The following RIMS1 variants were observed in gnomAD, a reference collection of about 807,000 sequenced individuals.
RIMS1 encodes the protein regulating synaptic membrane exocytosis protein 1.
A neutral mutation model predicts 214.1 loss-of-function variants in RIMS1; 83 were observed. The ratio of observed to expected loss-of-function variants is 0.39; its 90% confidence interval spans 0.32 to 0.47. RIMS1 has a LOEUF of 0.47. Ranked by LOEUF, RIMS1 falls within the 20% of genes least tolerant of loss-of-function variation. The probability of loss-of-function intolerance (pLI) is 0.99; values close to 1 mark genes in which losing one functional copy is unlikely to be tolerated. For missense variants in RIMS1, 2,050 were observed against 2,161.8 expected (o/e 0.95, Z 1.03); for synonymous variants, 793 against 786.8 (o/e 1.01, Z -0.13).
At chr6:71,977,003 G>C (rs540189909) in intron 2 of RIMS1, among the ~76,000 whole-genome samples, 94 of 152,204 alleles carry the variant, frequency 6.2e-4, no homozygotes, top group South Asian at 4.8e-3. Flanking sequence ...CTGCATACTA[G>C]ACATGATCTT....
intron 1 of RIMS1, among the ~76,000 whole-genome samples, chr6:71,901,468 G>T (rs748055338): frequency 4.6e-4 from 70 of 151,994 alleles, no homozygotes; most frequent in Non-Finnish European, 5.6e-4. Context: ...AAACAACATG[G>T]ATGAATCTCA....
At chr6:72,075,532 CTGGTTG>C (rs1831602449) in intron 2 of RIMS1, among the ~76,000 whole-genome samples, 1 of 152,134 alleles carries the variant, frequency 6.6e-6, no homozygotes, top group African/African-American at 2.4e-5. Context: ...ATGTCATATT[CTGGTTG>C]TGGTAAACTT....
At chr6:72,066,895 C>T (rs1233124560) in intron 2 of RIMS1, among the ~76,000 whole-genome samples, 1 of 151,992 alleles carries the variant, frequency 6.6e-6, no homozygotes, top group East Asian at 1.9e-4. Flanking sequence ...ACCCTTAAAA[C>T]TTCTCTTTCA....
chr6:72,240,846 T>A (rs2066562630), intron 9 of RIMS1, among the ~76,000 whole-genome samples: 1 of 151,864 alleles, frequency 6.6e-6, no homozygotes, highest in Non-Finnish European at 1.5e-5. Context: ...TGAAACCCCG[T>A]CTCTACTAAA....
intron 29 of RIMS1, among the ~76,000 whole-genome samples, chr6:72,340,811 T>C (rs2097053342): frequency 6.6e-6 from 1 of 152,114 alleles, no homozygotes; most frequent in Non-Finnish European, 1.5e-5. Flanking sequence ...TTTTTCCAAT[T>C]CTGTGAAGAA....
chr6:71,908,343 C>T (rs373825262), intron 1 of RIMS1, among the ~76,000 whole-genome samples: 236 of 152,274 alleles, frequency 1.5e-3, no homozygotes, highest in African/African-American at 5.0e-3. Flanking sequence ...CCAGTCATTT[C>T]CGGAGAGGAG....
chr6:72,167,127 AT>A (rs545085624), intron 4 of RIMS1, among the ~76,000 whole-genome samples: 1 of 151,554 alleles, frequency 6.6e-6, no homozygotes, highest in Admixed American at 6.6e-5. Context: ...TTTGTTGAGC[AT>A]TTTTTCTCAT....
At chr6:71,917,835 G>T (rs544337313) in intron 1 of RIMS1, among the ~76,000 whole-genome samples, 1 of 152,268 alleles carries the variant, frequency 6.6e-6, no homozygotes, top group African/African-American at 2.4e-5. Flanking sequence ...GAAGCGAAAA[G>T]ATTTTCTTAT....
chr6:72,114,157 A>C (rs1026405717), intron 4 of RIMS1, among the ~76,000 whole-genome samples: 1 of 152,084 alleles, frequency 6.6e-6, no homozygotes, highest in Admixed American at 6.6e-5. Flanking sequence ...AAAATGAGGA[A>C]ATTAGAATTT....
Position 72,245,727 on chromosome 6 carries a change from A to G in RIMS1, c.2082-88A>G. 3 of 1,014,532 alleles carry G rather than the reference A, an allele frequency of 3.0e-6. No individual in the cohort carries two copies. The Admixed American group carries it at 5.5e-5, about 19-fold the overall frequency. 62.8% of individuals were successfully genotyped at this position (1,014,532 alleles called of 1,614,324 possible). ...TCCACACCTGTAAAGACCCAGCAGGATTTTTCACATCACGTATAATGGGCT... is the reference window on the plus strand; with the variant it reads ...TCCACACCTGTAAAGACCCAGCAGGGTTTTTCACATCACGTATAATGGGCT... On this transcript the variant is annotated intron_variant, in intron 10 of 33. Transcript: ENST00000521978.
intron 29 of RIMS1, among the ~76,000 whole-genome samples, chr6:72,368,292 ATTTTTTTTTTTTTTTTTT>A (rs1168375463): frequency 1.3e-5 from 1 of 79,112 alleles, no homozygotes; most frequent in African/African-American, 5.3e-5. Flanking sequence ...GTGTTGTCTG[ATTTTTTTTTTTTTTTTTT>A]TTTTTTTTTG....
intron 4 of RIMS1, among the ~76,000 whole-genome samples, chr6:72,102,375 C>A (rs1586982139): frequency 1.3e-5 from 2 of 152,060 alleles, no homozygotes; most frequent in South Asian, 4.1e-4. Flanking sequence ...CTCTGAAAAA[C>A]AGAACCTTAC....
chr6:72,283,160 A>G (rs2090970400), intron 23 of RIMS1, among the ~76,000 whole-genome samples: 9 of 152,138 alleles, frequency 5.9e-5, no homozygotes, highest in Admixed American at 5.9e-4. Flanking sequence ...TAATTTGTAG[A>G]TAATTAATAT....
chr6:72,390,622 G>C lies in RIMS1; in HGVS notation c.4391G>C (p.Ser1464Thr), dbSNP rs1405665405. 9.9e-6 allele frequency: 16 copies of C among 1,613,456 alleles called. No individual in the cohort carries two copies. Among genetic ancestry groups the C allele is most frequent in the Non-Finnish European group, 1.4e-5 (16 of 1,179,678 alleles). The stretch of plus-strand genomic sequence containing the variant: ...GAGTCGGGCCACAAAAAGTTAAAAA[G>C]TACCATCCAGAGAAGCACAGAAACA... ...QTESGHKKLK[S>T]TIQRSTETGM... The change falls in exon 30 of 34, where the codon AGT (serine) becomes ACT (threonine). Residue 1464 changes from serine to threonine, a missense_variant. By Grantham distance (58) the Ser-to-Thr change is moderately conservative. Transcript: ENST00000521978.
At chr6:72,275,118 TGGTATATATATATATATATATA>T (rs2154195198) in intron 23 of RIMS1, among the ~76,000 whole-genome samples, 1 of 90,364 alleles carries the variant, frequency 1.1e-5, no homozygotes, top group South Asian at 3.9e-4. Flanking sequence ...TCCTATTTTA[TGGTATATATATATATATATATA>T]TATATATATA....
intron 1 of RIMS1, among the ~76,000 whole-genome samples, chr6:71,887,548 G>A (rs1301306751): frequency 6.6e-6 from 1 of 152,146 alleles, no homozygotes; most frequent in Non-Finnish European, 1.5e-5. Flanking sequence ...CAGGTTAGGG[G>A]GCAGGGGATG....
At chr6:72,231,678 C>T (rs542929424) in intron 6 of RIMS1, among the ~76,000 whole-genome samples, 1 of 151,716 alleles carries the variant, frequency 6.6e-6, no homozygotes, top group East Asian at 1.9e-4. Context: ...TTCTGCAAAG[C>T]TTATATATCA....
chr6:72,160,197 G>T (rs1209302440), intron 4 of RIMS1, among the ~76,000 whole-genome samples: 1 of 131,968 alleles, frequency 7.6e-6, no homozygotes, highest in East Asian at 2.1e-4. Context: ...GTCTTTTGTT[G>T]GTGTATAAGA....
chr6:71,922,194 A>T (rs115162795), intron 1 of RIMS1, among the ~76,000 whole-genome samples: 1,943 of 152,298 alleles, frequency 0.013, 33 homozygotes, highest in African/African-American at 0.043. Flanking sequence ...AAGCATTTGT[A>T]AAGTGTACAA....
Sources: gnomAD v4.1 joint callset for allele counts (sites outside exome capture counted in the v4.1 genomes callset) on GRCh38, gnomAD v4.1.1 for gene constraint, MANE v1.5 for transcripts, NCBI Gene and HGNC (gene_info 2026-07-23, HGNC 2026-07-21) for gene names.